Variants in SBK1 observed in about 807,000 individuals in gnomAD.
SBK1 encodes serine/threonine-protein kinase SBK1.
Under a neutral mutation model 24.4 loss-of-function variants are expected in SBK1, and 11 were observed. The observed-to-expected ratio is 0.45, with a 90% CI of 0.28 to 0.75. SBK1 has a LOEUF of 0.75. Among genes scored for constraint, SBK1 ranks in the 30% least tolerant of loss-of-function variants. The pLI is 0.12. For synonymous variants in SBK1, 308 were observed against 284.4 expected, an observed-to-expected ratio of 1.08 and a Z score of -0.83; for missense variants, 467 against 620.5, an observed-to-expected ratio of 0.75 and a Z score of 2.63.
At chr16:28,280,127 A>ATGTG (rs1296458205) in intron 1 of SBK1, among the ~76,000 whole-genome samples, 9 of 68,124 alleles carry the variant, frequency 1.3e-4, no homozygotes, top group Non-Finnish European at 2.6e-4. Context: ...ATATATATAT[A>ATGTG]TATATATATA....
chr16:28,282,626 G>GTGAATGAATGAA (rs774095552), intron 1 of SBK1, among the ~76,000 whole-genome samples: 21,928 of 150,024 alleles, frequency 0.15, 2,034 homozygotes, highest in Admixed American at 0.25. Context: ...GGGAACAAGT[G>GTGAATGAATGAA]TGAATGAATG....
At position 28,319,945 on chromosome 16, in the gene SBK1, G is replaced by A. The variant is rs2044826066; in HGVS notation, c.430-131G>A. 2 of 842,240 alleles carry A rather than the reference G, an allele frequency of 2.4e-6. No individual in the cohort carries two copies. Among genetic ancestry groups the A allele is most frequent in the Admixed American group, 3.2e-5 (1 of 31,260 alleles). 52.2% of individuals were successfully genotyped at this position (842,240 alleles called of 1,614,324 possible). On this transcript the variant is annotated intron_variant, in intron 3 of 3. Transcript: ENST00000341901. This position sits in a 1 kb window ranked among gnomAD's most constrained non-coding sequence, Gnocchi z 4.0. ...TCAGCAGCATCCGGGCCGCGTCTGC[G>A]CGGTCGCCCCAGTTACTGGGGACAG...
intron 1 of SBK1, among the ~76,000 whole-genome samples, chr16:28,310,958 G>A (rs1474752041): frequency 6.6e-6 from 1 of 152,214 alleles, no homozygotes; most frequent in Non-Finnish European, 1.5e-5. Flanking sequence ...CACGTGCGCC[G>A]GAACTGGGTC....
chr16:28,322,531 C>T lies in SBK1; in HGVS notation c.*1610C>T, dbSNP rs931985620. ...CTTTCTGGCTGGTGCCCCAACCTCTCCACTCCCCACTCATTCCCACCTTGA... is the reference window on the plus strand; with the variant it reads ...CTTTCTGGCTGGTGCCCCAACCTCTTCACTCCCCACTCATTCCCACCTTGA... On this transcript the variant is annotated 3_prime_UTR_variant, in exon 4 of 4. Coordinates refer to ENST00000341901, the MANE Select transcript of SBK1 (RefSeq NM_001024401.3). The T allele has an allele frequency of 1.3e-5, 2 of 152,942 alleles. No homozygotes were observed. Among genetic ancestry groups the T allele is most frequent in the Admixed American group, 1.3e-4 (2 of 15,272 alleles). The allele number at this position is 152,942 out of a possible 1,614,324, so 9.5% of individuals were successfully genotyped here. A position where few individuals can be genotyped will look rare whatever the true frequency, so the allele number is the denominator to read the frequency against.
intron 1 of SBK1, among the ~76,000 whole-genome samples, chr16:28,304,932 C>T (rs906306466): frequency 6.6e-5 from 10 of 151,872 alleles, no homozygotes; most frequent in African/African-American, 1.2e-4. Context: ...TTTCTTGAGA[C>T]GGTGTCTCAC....
chr16:28,265,179 G>A (rs923155306), intron 1 of SBK1, among the ~76,000 whole-genome samples: 15 of 152,028 alleles, frequency 9.9e-5, no homozygotes, highest in African/African-American at 3.6e-4. Context: ...CACTTGAGGA[G>A]GCAGAGGCAG....
intron 1 of SBK1, among the ~76,000 whole-genome samples, chr16:28,272,911 T>G (rs2044475571): frequency 6.6e-6 from 1 of 151,830 alleles, no homozygotes; most frequent in Non-Finnish European, 1.5e-5. Flanking sequence ...TGAGCCACCA[T>G]GCCTGGCCTG....
chr16:28,282,672 T>C (rs1056271398), intron 1 of SBK1, among the ~76,000 whole-genome samples: 2 of 148,172 alleles, frequency 1.3e-5, no homozygotes, highest in Non-Finnish European at 3.0e-5. Context: ...CAGAGGTTCC[T>C]GGAGCTTGGA....
At chr16:28,276,483 C>G (rs946930375) in intron 1 of SBK1, among the ~76,000 whole-genome samples, 1 of 152,064 alleles carries the variant, frequency 6.6e-6, no homozygotes, top group Admixed American at 6.5e-5. Flanking sequence ...TTGCTTGGTG[C>G]AGGCAGAGAG....
intron 1 of SBK1, among the ~76,000 whole-genome samples, chr16:28,275,329 G>GCGAGACTCCATCTCTTAAAAAATAA (rs1300840475): frequency 1.2e-4 from 19 of 152,240 alleles, no homozygotes; most frequent in African/African-American, 4.3e-4. Flanking sequence ...AGTGAGAAAT[G>GCGAGACTCCATCTCTTAAAAAATAA]GGGGTGAGGC....
intron 1 of SBK1, among the ~76,000 whole-genome samples, chr16:28,313,858 G>A (rs774370940): frequency 6.4e-4 from 97 of 152,138 alleles, no homozygotes; most frequent in Non-Finnish European, 1.2e-3. Context: ...GGAAGGCAGA[G>A]GAGGAGGAGA....
At chr16:28,263,927 C>A (rs1183021580) in intron 1 of SBK1, among the ~76,000 whole-genome samples, 1 of 152,036 alleles carries the variant, frequency 6.6e-6, no homozygotes, top group Admixed American at 6.6e-5. Context: ...GAGCTCCAGA[C>A]CAGCCTGGGC....
chr16:28,261,650 G>A (rs979932157), intron 1 of SBK1, among the ~76,000 whole-genome samples: 2 of 152,138 alleles, frequency 1.3e-5, no homozygotes, highest in Non-Finnish European at 2.9e-5. Flanking sequence ...AAGAGAGAGG[G>A]CATGGGAATA....
chr16:28,301,770 C>G (rs2044681545), intron 1 of SBK1, among the ~76,000 whole-genome samples: 2 of 152,234 alleles, frequency 1.3e-5, no homozygotes, highest in Admixed American at 6.5e-5. Flanking sequence ...CCAGCAACTT[C>G]TTACTGACAC....
chr16:28,318,892 C>G, intron 2 of SBK1, 103 bp from the exon 3 acceptor site: 1 of 839,268 alleles, frequency 1.2e-6, no homozygotes, highest in Non-Finnish European at 2.1e-6. Context: ...GTCATGCCTG[C>G]TGGGGACCCT....
chr16:28,320,551 G>A lies in SBK1; in HGVS notation c.905G>A (p.Arg302His). ...FQRLLALEPE[R>H]RGPAKEVFRF... ...CGCTTACTGGCCCTGGAGCCCGAGC[G>A]CCGCGGCCCAGCCAAGGAGGTGTTC... Residue 302 changes from arginine to histidine, a missense_variant, in exon 4 of 4, where the codon CGC (arginine) becomes CAC (histidine). By Grantham distance (29) the Arg-to-His change is conservative. Coordinates refer to ENST00000341901, the MANE Select transcript of SBK1 (RefSeq NM_001024401.3). The surrounding 1 kb of genome is among the most constrained non-coding windows in gnomAD (Gnocchi z 8.5). The A allele has an allele frequency of 6.4e-7, 1 of 1,553,116 alleles. No individual in the cohort carries two copies. The highest frequency in any genetic ancestry group is 8.6e-7 in the Non-Finnish European group (1 of 1,156,722).
At chr16:28,260,716 A>G (rs984395397) in intron 1 of SBK1, among the ~76,000 whole-genome samples, 1 of 152,174 alleles carries the variant, frequency 6.6e-6, no homozygotes, top group Non-Finnish European at 1.5e-5. Context: ...ACAGACTGCC[A>G]GGGCCTGGGC....
Position 28,317,669 on chromosome 16 carries a change from G to A in SBK1, c.226+52G>A. On this transcript the variant is annotated intron_variant, in intron 2 of 3. Transcript: ENST00000341901. This position sits in a 1 kb window ranked among gnomAD's most constrained non-coding sequence, Gnocchi z 4.2. ...GAGAGGTTGGGGTGGGGCAGGGCTG[G>A]GAGGTCAGGGTTGGGGGACATGACC... is the stretch of plus-strand genomic sequence containing the variant. The A allele has an allele frequency of 1.6e-6, 2 of 1,251,562 alleles. No individual in the cohort carries two copies. The highest frequency in any genetic ancestry group is 2.3e-6 in the Non-Finnish European group (2 of 855,410). 77.5% of individuals were successfully genotyped at this position (1,251,562 alleles called of 1,614,324 possible).
At position 28,320,807 on chromosome 16, in the gene SBK1, G is replaced by A; in HGVS notation, c.1161G>A (p.Val387=). ...TGCCGGTGCCAGTGCCCGTGCCGGT[G>A]CCTGTGCCCGAGCCCGGCCTAGCTC... ...VPVPVPVPVP[V]PVPEPGLAPQ... Residue 387 remains valine, a synonymous_variant, in exon 4 of 4, where the codon GTG becomes GTA. Transcript: ENST00000341901. The surrounding 1 kb of genome is among the most constrained non-coding windows in gnomAD (Gnocchi z 8.5). 1 of 1,442,896 alleles carries A rather than the reference G, an allele frequency of 6.9e-7. No homozygotes were observed. The highest frequency in any genetic ancestry group is 1.3e-5 in the South Asian group (1 of 79,370). The allele number at this position is 1,442,896 out of a possible 1,614,324, so 89.4% of individuals were successfully genotyped here.
Sources: gnomAD v4.1 joint callset for allele counts (sites outside exome capture counted in the v4.1 genomes callset) on GRCh38, gnomAD v4.1.1 for gene constraint, Gnocchi (gnomAD v3.1) non-coding constraint, MANE v1.5 for transcripts, NCBI Gene and HGNC (gene_info 2026-07-23, HGNC 2026-07-21) for gene names.